MAPK10: variants seen among roughly 807,000 people sequenced by gnomAD.
The protein encoded by MAPK10 is JNK3 alpha protein kinase.
Under a neutral mutation model 59.3 loss-of-function variants are expected in MAPK10, and 25 were observed. The ratio of observed to expected loss-of-function variants is 0.42; its 90% confidence interval spans 0.31 to 0.59. The LOEUF is 0.59. Among genes scored for constraint, MAPK10 ranks in the 20% least tolerant of loss-of-function variants. MAPK10 has a pLI of 0.15. For missense variants in MAPK10, 351 were observed against 568.9 expected, an observed-to-expected ratio of 0.62 and a Z score of 3.90; for synonymous variants, 190 against 200.5, an observed-to-expected ratio of 0.95 and a Z score of 0.44.
At chr4:86,477,851 C>G (rs549041037) in intron 1 of MAPK10, among the ~76,000 whole-genome samples, 1 of 152,300 alleles carries the variant, frequency 6.6e-6, no homozygotes, top group African/African-American at 2.4e-5. Flanking sequence ...GTTTTCTCTA[C>G]TATTCCTTTG....
At chr4:86,567,847 A>T (rs1339365402) in intron 1 of MAPK10, among the ~76,000 whole-genome samples, 1 of 152,202 alleles carries the variant, frequency 6.6e-6, no homozygotes, top group Non-Finnish European at 1.5e-5. Context: ...GCATAAAGGA[A>T]AAAATAGTCA....
rs527888192 is a variant in MAPK10 at position 86,260,688 on chromosome 4, C to G, written c.-6-66281G>C. On this transcript the variant is annotated intron_variant, in intron 2 of 13. Transcript: ENST00000641462. ...CATATATCTTTCTTAAAAGAAAACA[C>G]GTGACTGGCTTTCTATAGAAAATAA... 5.9e-5 allele frequency among the ~76,000 whole-genome samples: 9 copies of G among 152,160 alleles called. No homozygotes were observed. The South Asian group carries it at 1.9e-3, about 32-fold the overall frequency.
chr4:86,446,263 T>A (rs1283489842), intron 1 of MAPK10, among the ~76,000 whole-genome samples: 1 of 152,176 alleles, frequency 6.6e-6, no homozygotes, highest in Non-Finnish European at 1.5e-5. Context: ...GAGTAACTAC[T>A]AAATAAAGTA....
chr4:86,199,354 T>C (rs1467150653), intron 2 of MAPK10, among the ~76,000 whole-genome samples: 3 of 152,036 alleles, frequency 2.0e-5, no homozygotes, highest in Non-Finnish European at 2.9e-5. Flanking sequence ...GAATACCATA[T>C]AGCAATGAAA....
chr4:86,504,085 T>C (rs1321807148), intron 1 of MAPK10, among the ~76,000 whole-genome samples: 1 of 152,120 alleles, frequency 6.6e-6, no homozygotes, highest in African/African-American at 2.4e-5. Context: ...AGATAATCCC[T>C]ATTATCTGTA....
intron 1 of MAPK10, among the ~76,000 whole-genome samples, chr4:86,568,177 A>G (rs1026047341): frequency 2.6e-5 from 4 of 152,200 alleles, no homozygotes; most frequent in Admixed American, 1.3e-4. Flanking sequence ...ACCAAGTCAG[A>G]ACTCAATTCC....
chr4:86,297,345 T>A (rs2095384854), intron 2 of MAPK10, among the ~76,000 whole-genome samples: 1 of 152,236 alleles, frequency 6.6e-6, no homozygotes, highest in East Asian at 1.9e-4. Flanking sequence ...AGTCTCGTTC[T>A]GTTGCCCAGG....
At chr4:86,054,052 A>G (rs1158631779) in intron 11 of MAPK10, among the ~76,000 whole-genome samples, 3 of 152,196 alleles carry the variant, frequency 2.0e-5, no homozygotes, top group African/African-American at 7.2e-5. Flanking sequence ...AAACATGAAA[A>G]CAAAAACCAA....
intron 1 of MAPK10, among the ~76,000 whole-genome samples, chr4:86,531,742 A>C (rs893075893): frequency 1.3e-5 from 2 of 152,278 alleles, no homozygotes; most frequent in South Asian, 4.1e-4. Flanking sequence ...TCCTGACACA[A>C]AGCATCCAGG....
At chr4:86,305,548 G>A (rs188991799) in intron 2 of MAPK10, among the ~76,000 whole-genome samples, 5 of 152,272 alleles carry the variant, frequency 3.3e-5, no homozygotes, top group South Asian at 2.1e-4. Flanking sequence ...GCCGGGCACC[G>A]TGGTTTATGC....
intron 2 of MAPK10, among the ~76,000 whole-genome samples, chr4:86,287,750 G>C (rs540688394): frequency 1.3e-5 from 2 of 152,294 alleles, no homozygotes; most frequent in African/African-American, 4.8e-5. Flanking sequence ...TTAGGATAAT[G>C]TTCAATAATG....
rs772292638 is a variant in MAPK10 at position 86,035,201 on chromosome 4, C to T, written c.1111-3770G>A. Among the ~76,000 whole-genome samples the T allele has an allele frequency of 4.6e-4, 69 of 150,864 alleles. 1 individual carries two copies. Among genetic ancestry groups the T allele is most frequent in the Admixed American group, 1.3e-3 (20 of 15,114 alleles). On this transcript the variant is annotated intron_variant, in intron 11 of 13. Coordinates refer to ENST00000641462, the MANE Select transcript of MAPK10 (RefSeq NM_138982.4). ...GCCTGGCCAACATGGTGAAACCCCACCTCTACTAAAAATACAAAAATTAGC... is the reference window on the plus strand; with the variant it reads ...GCCTGGCCAACATGGTGAAACCCCATCTCTACTAAAAATACAAAAATTAGC...
chr4:86,305,015 C>T (rs560256900), intron 2 of MAPK10, among the ~76,000 whole-genome samples: 2 of 152,134 alleles, frequency 1.3e-5, no homozygotes, highest in South Asian at 2.1e-4. Context: ...TCATCACTTA[C>T]ACCCACCAGA....
At chr4:86,203,697 A>G (rs1312013739) in intron 2 of MAPK10, among the ~76,000 whole-genome samples, 1 of 150,334 alleles carries the variant, frequency 6.7e-6, no homozygotes, top group Non-Finnish European at 1.5e-5. Flanking sequence ...TTGTTAATTA[A>G]AAATGACTTT....
At chr4:86,561,811 C>T (rs1386396995) in intron 1 of MAPK10, among the ~76,000 whole-genome samples, 1 of 152,132 alleles carries the variant, frequency 6.6e-6, no homozygotes, top group African/African-American at 2.4e-5. Context: ...GGACTTGCTC[C>T]CAGAAAACAG....
At chr4:86,486,323 A>G (rs1015877170) in intron 1 of MAPK10, among the ~76,000 whole-genome samples, 27 of 152,190 alleles carry the variant, frequency 1.8e-4, no homozygotes, top group African/African-American at 6.3e-4. Flanking sequence ...ATACATACAC[A>G]CATGCATAAC....
intron 9 of MAPK10, among the ~76,000 whole-genome samples, chr4:86,070,564 C>G (rs575471473): frequency 1.4e-3 from 194 of 141,352 alleles, no homozygotes; most frequent in African/African-American, 5.0e-3. Context: ...ACCACAGTCC[C>G]CAGAGTGTCA....
intron 1 of MAPK10, among the ~76,000 whole-genome samples, chr4:86,476,053 G>A (rs933129293): frequency 4.6e-5 from 7 of 152,120 alleles, no homozygotes; most frequent in African/African-American, 9.7e-5. Flanking sequence ...CAAACGGTCC[G>A]AGATGCCTGA....
chr4:86,316,437 G>A (rs1346172213), intron 2 of MAPK10, among the ~76,000 whole-genome samples: 2 of 152,020 alleles, frequency 1.3e-5, no homozygotes, highest in African/African-American at 4.8e-5. Context: ...TAATATCTAT[G>A]TACAAATTAT....
Sources: allele counts gnomAD v4.1 joint callset (sites outside exome capture counted in the v4.1 genomes callset), GRCh38; gene constraint gnomAD v4.1.1; transcripts MANE v1.5; gene names NCBI Gene and HGNC (gene_info 2026-07-23, HGNC 2026-07-21).